LRCH3: variants seen among roughly 807,000 people sequenced by gnomAD.
LRCH3 encodes the protein leucine rich repeats and calponin homology domain containing 3.
In LRCH3, 68 loss-of-function variants were observed where a neutral mutation model predicts 104.5. The observed-to-expected ratio is 0.65, with a 90% confidence interval of 0.54 to 0.80. The LOEUF is 0.80. Ranked by LOEUF, LRCH3 falls within the 30% of genes least tolerant of loss-of-function variation. The pLI is 0.00. For synonymous variants in LRCH3, 344 were observed against 361.3 expected, an observed-to-expected ratio of 0.95 and a Z score of 0.54; for missense variants, 951 against 953.9, an observed-to-expected ratio of 1.00 and a Z score of 0.04.
intron 12 of LRCH3, among the ~76,000 whole-genome samples, chr3:197,850,172 G>A (rs1739371132): frequency 6.6e-6 from 1 of 152,122 alleles, no homozygotes; most frequent in Non-Finnish European, 1.5e-5. Flanking sequence ...GCACTTGCAG[G>A]AAACACCAGC....
intron 13 of LRCH3, among the ~76,000 whole-genome samples, chr3:197,853,332 G>A (rs1028203774): frequency 6.6e-6 from 1 of 152,076 alleles, no homozygotes; most frequent in African/African-American, 2.4e-5. Context: ...TGGGACTACA[G>A]GTGTGCACCA....
At chr3:197,795,466 G>A (rs1052211240) in intron 1 of LRCH3, among the ~76,000 whole-genome samples, 1 of 152,060 alleles carries the variant, frequency 6.6e-6, no homozygotes, top group African/African-American at 2.4e-5. Context: ...GAACTATTGA[G>A]AAAGAGGCAT....
intron 1 of LRCH3, among the ~76,000 whole-genome samples, chr3:197,801,646 T>G (rs1731909658): frequency 6.6e-6 from 1 of 152,186 alleles, no homozygotes; most frequent in African/African-American, 2.4e-5. Context: ...TGCACATTTT[T>G]TTATTGTCAC....
chr3:197,845,386 A>C (rs1738505478), intron 10 of LRCH3, among the ~76,000 whole-genome samples: 1 of 149,306 alleles, frequency 6.7e-6, no homozygotes, highest in Admixed American at 6.7e-5. Context: ...CCTGGACAAC[A>C]GAGTGAGATG....
intron 1 of LRCH3, among the ~76,000 whole-genome samples, chr3:197,803,002 A>G (rs559375385): frequency 6.6e-6 from 1 of 152,286 alleles, no homozygotes; most frequent in South Asian, 2.1e-4. Context: ...AGAACTTTTA[A>G]AATTGGTGTC....
intron 9 of LRCH3, among the ~76,000 whole-genome samples, chr3:197,837,303 A>G (rs1736957569): frequency 6.6e-6 from 1 of 152,204 alleles, no homozygotes; most frequent in African/African-American, 2.4e-5. Context: ...TAAATGGAGT[A>G]TCTCTACTAA....
intron 1 of LRCH3, among the ~76,000 whole-genome samples, chr3:197,795,665 A>C (rs1351143016): frequency 7.0e-6 from 1 of 142,808 alleles, no homozygotes; most frequent in Non-Finnish European, 1.5e-5. Context: ...CTTTCTGCTT[A>C]AGGTGAGTAA....
In LRCH3 at chr3:197,882,259, G is replaced by A. The variant is rs996513100; in HGVS notation, c.2209-1282G>A. Reference sequence around the variant, plus strand: ...GACCAGGGAATCAGCCTTGGAGAAAGCACGTCTCTTCCGACAGCAAAACAC... The same window carrying A: ...GACCAGGGAATCAGCCTTGGAGAAAACACGTCTCTTCCGACAGCAAAACAC... On this transcript the variant is annotated intron_variant, in intron 20 of 20. Transcript: ENST00000425562. 3 of 985,250 alleles carry A rather than the reference G, an allele frequency of 3.0e-6. No individual in the cohort carries two copies. The African/African-American group carries it at 5.2e-5, about 17-fold the overall frequency. The allele number at this position is 985,250 out of a possible 1,614,324, so 61.0% of individuals were successfully genotyped here.
In LRCH3 at chr3:197,807,050, A is replaced by C. The variant is rs747877974; in HGVS notation, c.263-7858A>C. Among the ~76,000 whole-genome samples, 14 of 143,856 alleles carry C rather than the reference A, an allele frequency of 9.7e-5. No homozygotes were observed. In the South Asian group the frequency reaches 1.1e-3, roughly 12 times the overall value. The allele number at this position is 143,856 out of a possible 152,430, so 94.4% of individuals were successfully genotyped here. ...CGAGACCCTGTGTCAAAAAAAAAAAACAAACAAACATGCATACACACATAC... is the reference window on the plus strand; with the variant it reads ...CGAGACCCTGTGTCAAAAAAAAAAACCAAACAAACATGCATACACACATAC... On this transcript the variant is annotated intron_variant, in intron 1 of 20. Coordinates refer to ENST00000425562, the MANE Select transcript of LRCH3 (RefSeq NM_001365715.1).
At chr3:197,882,509 A>T (rs1368630959) in intron 20 of LRCH3, 1 of 930,972 alleles carries the variant, frequency 1.1e-6, no homozygotes, top group South Asian at 5.0e-5. Context: ...TATCGTCTCA[A>T]TGAAAAGCAA....
chr3:197,869,739 G>A (rs11925127), intron 17 of LRCH3, among the ~76,000 whole-genome samples: 118 of 131,766 alleles, frequency 9.0e-4, no homozygotes, highest in African/African-American at 3.8e-3. Context: ...GCGATGCACT[G>A]TACCTGCAGG....
chr3:197,847,595 A>C, intron 11 of LRCH3, 135 bp downstream of exon 11: 1 of 721,414 alleles, frequency 1.4e-6, no homozygotes, highest in South Asian at 2.0e-5. Context: ...AATATAACAT[A>C]TGTACGTGAT....
rs144214657 is a variant in LRCH3, at chr3:197,825,899, A to G, written c.641-979A>G. ...ACCATTATATTTTTTCATTTCTACA[A>G]ACTCATTCTGTGATTTTTAAAAAAT... On this transcript the variant is annotated intron_variant, in intron 4 of 20. Coordinates refer to ENST00000425562, the MANE Select transcript of LRCH3 (RefSeq NM_001365715.1). Among the ~76,000 whole-genome samples, 304 of 152,178 alleles carry G rather than the reference A, an allele frequency of 2.0e-3. 1 individual carries two copies. Among genetic ancestry groups the G allele is most frequent in the African/African-American group, 7.0e-3 (289 of 41,522 alleles).
Position 197,854,268 on chromosome 3 carries a change from C to T in LRCH3, c.1591-124C>T. ...TCCAGATGATTGTGAATGTGGTCCTCTATGTCAACGTCTTCAAAAGTATGT... is the reference window on the plus strand; with the variant it reads ...TCCAGATGATTGTGAATGTGGTCCTTTATGTCAACGTCTTCAAAAGTATGT... On this transcript the variant is annotated intron_variant, in intron 13 of 20. Transcript: ENST00000425562. The surrounding 1 kb of genome is among the most constrained non-coding windows in gnomAD (Gnocchi z 4.5). 2 of 827,534 alleles carry T rather than the reference C, an allele frequency of 2.4e-6. No homozygotes were observed. The highest frequency in any genetic ancestry group is 2.8e-5 in the South Asian group (2 of 71,530). The allele number at this position is 827,534 out of a possible 1,614,324, so 51.3% of individuals were successfully genotyped here.
At chr3:197,872,912 AG>A (rs1712396241) in intron 19 of LRCH3, among the ~76,000 whole-genome samples, 1 of 152,224 alleles carries the variant, frequency 6.6e-6, no homozygotes, top group Non-Finnish European at 1.5e-5. Flanking sequence ...CTGTTGTATT[AG>A]TCCAGGCCAG....
Position 197,796,501 on chromosome 3 carries a change from A to T in LRCH3, c.262+4961A>T, listed in dbSNP as rs369927075. 7.9e-5 allele frequency among the ~76,000 whole-genome samples: 12 copies of T among 152,370 alleles called. No homozygotes were observed. The South Asian group carries it at 1.4e-3, about 18-fold the overall frequency. ...TGATTGAATTTATTTAAAAAAGGATAGGAGTCCAAGATCACTGTTAAACCT... is the reference window on the plus strand; with the variant it reads ...TGATTGAATTTATTTAAAAAAGGATTGGAGTCCAAGATCACTGTTAAACCT... On this transcript the variant is annotated intron_variant, in intron 1 of 20. Transcript: ENST00000425562.
chr3:197,862,769 T>A (rs1741034824), intron 15 of LRCH3, among the ~76,000 whole-genome samples: 1 of 152,216 alleles, frequency 6.6e-6, no homozygotes, highest in Admixed American at 6.5e-5. Context: ...TTATTTAAAT[T>A]TCCATTTTTT....
intron 1 of LRCH3, among the ~76,000 whole-genome samples, chr3:197,813,298 C>T (rs977360938): frequency 6.8e-6 from 1 of 146,590 alleles, no homozygotes; most frequent in African/African-American, 2.6e-5. Flanking sequence ...GTAGTCATTC[C>T]CAAAAAGAGA....
At chr3:197,855,592 T>TA (rs915367719) in intron 14 of LRCH3, among the ~76,000 whole-genome samples, 6 of 152,156 alleles carry the variant, frequency 3.9e-5, no homozygotes, top group Admixed American at 6.5e-5. Context: ...GAACCTGCAT[T>TA]AAACACCATA....
Sources: allele counts gnomAD v4.1 joint callset (sites outside exome capture counted in the v4.1 genomes callset), GRCh38; gene constraint gnomAD v4.1.1; non-coding constraint Gnocchi (gnomAD v3.1); transcripts MANE v1.5; gene names NCBI Gene and HGNC (gene_info 2026-07-23, HGNC 2026-07-21).